Variants in PDE7B observed in about 807,000 individuals in gnomAD.
The protein encoded by PDE7B is phosphodiesterase 7B.
In PDE7B, 29 loss-of-function variants were observed where a neutral mutation model predicts 56.2. The observed-to-expected ratio is 0.52, with a 90% CI of 0.38 to 0.70. The LOEUF is 0.70. Among genes scored for constraint, PDE7B ranks in the 30% least tolerant of loss-of-function variants. The probability of loss-of-function intolerance (pLI) is 0.00; values close to 1 mark genes in which losing one functional copy is unlikely to be tolerated. For missense variants in PDE7B, 490 were observed against 565.0 expected (o/e 0.87, Z 1.35); for synonymous variants, 197 against 196.9 (o/e 1.00, Z 0.00).
chr6:136,084,681 G>T (rs1027806817), intron 2 of PDE7B, among the ~76,000 whole-genome samples: 20 of 152,120 alleles, frequency 1.3e-4, no homozygotes, highest in African/African-American at 4.6e-4. Context: ...GGTGTAAAAG[G>T]CAAATTGCCA....
intron 2 of PDE7B, chr6:136,046,394 A>T (rs969761946): frequency 3.9e-5 from 6 of 152,324 alleles, no homozygotes; most frequent in African/African-American, 1.4e-4. Flanking sequence ...GGGAATAGGG[A>T]AATTTAAACT....
intron 1 of PDE7B, among the ~76,000 whole-genome samples, chr6:135,929,906 C>T (rs776705932): frequency 6.6e-6 from 1 of 152,096 alleles, no homozygotes; most frequent in Non-Finnish European, 1.5e-5. Flanking sequence ...ATAATGGGCA[C>T]TAGAAAGTAG....
chr6:136,105,004 T>C (rs1277427792), intron 2 of PDE7B, among the ~76,000 whole-genome samples: 1 of 152,242 alleles, frequency 6.6e-6, no homozygotes, highest in African/African-American at 2.4e-5. Flanking sequence ...AGCTCCATTG[T>C]TACTTGTCTC....
At chr6:136,116,240 T>G (rs973257102) in intron 3 of PDE7B, among the ~76,000 whole-genome samples, 2 of 152,130 alleles carry the variant, frequency 1.3e-5, no homozygotes, top group Non-Finnish European at 2.9e-5. Context: ...GACCTACATA[T>G]GAGGACATAA....
intron 1 of PDE7B, among the ~76,000 whole-genome samples, chr6:135,933,061 G>T (rs1177959789): frequency 6.6e-6 from 1 of 152,062 alleles, no homozygotes; most frequent in Non-Finnish European, 1.5e-5. Context: ...ATGGTTTTTG[G>T]TGAAAGCACA....
intron 2 of PDE7B, among the ~76,000 whole-genome samples, chr6:136,040,104 C>A (rs1776389584): frequency 6.6e-6 from 1 of 152,174 alleles, no homozygotes; most frequent in African/African-American, 2.4e-5. Flanking sequence ...CTTTTCTGGA[C>A]ATGATGAAGC....
At chr6:136,170,565 T>G (rs1268764366) in intron 8 of PDE7B, among the ~76,000 whole-genome samples, 2 of 152,202 alleles carry the variant, frequency 1.3e-5, no homozygotes, top group Admixed American at 1.3e-4. Flanking sequence ...CTCTCACTTT[T>G]TATTGAATGT....
intron 9 of PDE7B, among the ~76,000 whole-genome samples, chr6:136,176,707 C>A (rs2128450677): frequency 6.6e-6 from 1 of 152,102 alleles, no homozygotes. Context: ...TCCACTAATT[C>A]CTAAATTACC....
chr6:135,934,320 T>C (rs967580549), intron 1 of PDE7B, among the ~76,000 whole-genome samples: 1 of 152,168 alleles, frequency 6.6e-6, no homozygotes, highest in Non-Finnish European at 1.5e-5. Flanking sequence ...AGAATATAGG[T>C]ATTCCCTCCA....
intron 1 of PDE7B, among the ~76,000 whole-genome samples, chr6:135,883,836 A>T (rs888185319): frequency 1.3e-5 from 2 of 152,110 alleles, no homozygotes; most frequent in African/African-American, 4.8e-5. Flanking sequence ...CCTCACTCTG[A>T]TGTACTCAGA....
At chr6:136,091,507 A>G (rs1281549537) in intron 2 of PDE7B, among the ~76,000 whole-genome samples, 1 of 152,210 alleles carries the variant, frequency 6.6e-6, no homozygotes, top group African/African-American at 2.4e-5. Flanking sequence ...CCCTTTTTCT[A>G]CTAACTCTTA....
At chr6:136,118,172 C>T (rs939537104) in intron 3 of PDE7B, among the ~76,000 whole-genome samples, 1 of 152,178 alleles carries the variant, frequency 6.6e-6, no homozygotes, top group African/African-American at 2.4e-5. Flanking sequence ...GCCACCTCTT[C>T]TCCTAGGAAG....
intron 3 of PDE7B, among the ~76,000 whole-genome samples, chr6:136,140,543 T>C (rs547677643): frequency 6.6e-6 from 1 of 152,326 alleles, no homozygotes; most frequent in African/African-American, 2.4e-5. Flanking sequence ...TGGCATTGAA[T>C]CTATAAATTA....
intron 6 of PDE7B, among the ~76,000 whole-genome samples, chr6:136,151,941 A>G (rs80253946): frequency 1.3e-5 from 2 of 151,898 alleles, no homozygotes; most frequent in South Asian, 4.1e-4. Context: ...CTCTGTCTTA[A>G]AAATAAATAA....
chr6:135,970,823 G>A (rs1344212904), intron 2 of PDE7B, among the ~76,000 whole-genome samples: 1 of 152,190 alleles, frequency 6.6e-6, no homozygotes, highest in Non-Finnish European at 1.5e-5. Context: ...GGGGCAGCGA[G>A]ACGTTTGGAT....
intron 2 of PDE7B, among the ~76,000 whole-genome samples, chr6:135,973,401 A>G (rs1775127829): frequency 6.6e-6 from 1 of 152,122 alleles, no homozygotes; most frequent in Non-Finnish European, 1.5e-5. Context: ...TTGTTTCCAT[A>G]TCTTGGCTAT....
At chr6:135,875,774 C>T (rs1775479708) in intron 1 of PDE7B, among the ~76,000 whole-genome samples, 1 of 152,172 alleles carries the variant, frequency 6.6e-6, no homozygotes, top group Admixed American at 6.5e-5. Context: ...TTAACAGGAT[C>T]TAGAATTCTC....
At chr6:136,105,272 G>A (rs1777628765) in intron 2 of PDE7B, among the ~76,000 whole-genome samples, 1 of 152,118 alleles carries the variant, frequency 6.6e-6, no homozygotes, top group Non-Finnish European at 1.5e-5. Context: ...TGGTTTATCA[G>A]CAAACAGCAA....
chr6:136,073,220 C>T (rs1438227282), intron 2 of PDE7B, among the ~76,000 whole-genome samples: 5 of 152,256 alleles, frequency 3.3e-5, no homozygotes, highest in African/African-American at 4.8e-5. Context: ...ATAAACTCAA[C>T]GTGTGCACAG....
Sources: gnomAD v4.1 joint callset for allele counts (sites outside exome capture counted in the v4.1 genomes callset) on GRCh38, gnomAD v4.1.1 for gene constraint, MANE v1.5 for transcripts, NCBI Gene and HGNC (gene_info 2026-07-23, HGNC 2026-07-21) for gene names.